PRKAR1B: variants seen among roughly 807,000 people sequenced by gnomAD.
PRKAR1B encodes cAMP-dependent protein kinase type I-beta regulatory subunit.
In PRKAR1B, 22 loss-of-function variants were observed where a neutral mutation model predicts 46.5. The observed-to-expected ratio is 0.47, with a 90% CI of 0.34 to 0.68. The LOEUF (loss-of-function observed/expected upper bound fraction) is 0.68, where lower values mean the gene tolerates loss of function less well. Ranked by LOEUF, PRKAR1B falls within the 30% of genes least tolerant of loss-of-function variation. The pLI is 0.01. For synonymous variants in PRKAR1B, 259 were observed against 217.7 expected (o/e 1.19, Z -1.67); for missense variants, 445 against 535.6 (o/e 0.83, Z 1.67).
In PRKAR1B at chr7:583,420, ACACACG is replaced by A. The variant is rs1562537036; in HGVS notation, c.769+1082_769+1087del. Among the ~76,000 whole-genome samples the A allele has an allele frequency of 9.9e-4, 56 of 56,844 alleles. 1 individual carries two copies. The East Asian group carries it at 0.016, about 16-fold the overall frequency. The allele number at this position is 56,844 out of a possible 152,430, so 37.3% of individuals were successfully genotyped here. A position where few individuals can be genotyped will look rare whatever the true frequency, so the allele number is the denominator to read the frequency against. ...CCCCCACACGTGTGCACACCCACGC[ACACACG>A]CACACACCCACAGTGCACACTCACA... On this transcript the variant is annotated intron_variant, in intron 8 of 10. Transcript: ENST00000537384.
rs1161152404 is a variant in PRKAR1B, at chr7:657,262, CGGACGGATGGAT to C, written c.440+19955_440+19966del. ...ATAAATGAATGGATGGATGAATGGA[CGGACGGATGGAT>C]GGATGGATGGATGGATGGATGGATG... On this transcript the variant is annotated intron_variant, in intron 4 of 10. Coordinates refer to ENST00000537384, the MANE Select transcript of PRKAR1B (RefSeq NM_001164760.2). Among the ~76,000 whole-genome samples, 117 of 102,714 alleles carry C rather than the reference CGGACGGATGGAT, an allele frequency of 1.1e-3. 2 individuals are homozygous for C. The highest frequency in any genetic ancestry group is 2.4e-3 in the African/African-American group (56 of 23,694). The allele number at this position is 102,714 out of a possible 152,430, so 67.4% of individuals were successfully genotyped here.
In PRKAR1B at chr7:685,279, CGT is replaced by C. The variant is rs1491307705; in HGVS notation, c.178-4555_178-4554del. 1.0e-2 allele frequency among the ~76,000 whole-genome samples: 195 copies of C among 19,532 alleles called. 18 individuals are homozygous for C. Among genetic ancestry groups the C allele is most frequent in the African/African-American group, 0.031 (175 of 5,704 alleles). The allele number at this position is 19,532 out of a possible 152,430, so 12.8% of individuals were successfully genotyped here. A position where few individuals can be genotyped will look rare whatever the true frequency, so the allele number is the denominator to read the frequency against. On this transcript the variant is annotated intron_variant, in intron 2 of 10. Coordinates refer to ENST00000537384, the MANE Select transcript of PRKAR1B (RefSeq NM_001164760.2). Reference sequence around the variant, plus strand: ...ATATATACATATATACGTATATATACGTATATATATGTATACATATATATATA... The same window carrying C: ...ATATATACATATATACGTATATATACATATATATGTATACATATATATATA...
intron 9 of PRKAR1B, among the ~76,000 whole-genome samples, chr7:569,257 A>G (rs1779358137): frequency 6.6e-6 from 1 of 152,168 alleles, no homozygotes; most frequent in Non-Finnish European, 1.5e-5. Context: ...GAGCTGACCA[A>G]GGCCTCAGCC....
chr7:614,313 G>A (rs537990721), intron 4 of PRKAR1B, among the ~76,000 whole-genome samples: 1 of 152,316 alleles, frequency 6.6e-6, no homozygotes, highest in South Asian at 2.1e-4. Context: ...GGTGGAACAC[G>A]GCTAAGACCC....
At chr7:657,160 A>G (rs1191362299) in intron 4 of PRKAR1B, among the ~76,000 whole-genome samples, 1 of 151,580 alleles carries the variant, frequency 6.6e-6, no homozygotes, top group African/African-American at 2.4e-5. Context: ...TGAGTGAACA[A>G]ATGAATGGAT....
In PRKAR1B at chr7:667,710, C is replaced by T. The variant is rs190940733; in HGVS notation, c.440+9519G>A. On this transcript the variant is annotated intron_variant, in intron 4 of 10. Transcript: ENST00000537384. This position sits in a 1 kb window ranked among gnomAD's most constrained non-coding sequence, Gnocchi z 4.3. ...GCACAGGCTTAGGTGCCCAAGAACT[C>T]GAGCTCAAACCCTAGCTCTGCTCCT... Among the ~76,000 whole-genome samples, 43 of 152,252 alleles carry T rather than the reference C, an allele frequency of 2.8e-4. No individual in the cohort carries two copies. Among genetic ancestry groups the T allele is most frequent in the East Asian group, 2.7e-3 (14 of 5,176 alleles).
At position 563,009 on chromosome 7, in the gene PRKAR1B, G is replaced by A. The variant is rs539745567; in HGVS notation, c.892-11539C>T. Among the ~76,000 whole-genome samples the A allele has an allele frequency of 3.3e-5, 5 of 152,286 alleles. No individual in the cohort carries two copies. The East Asian group carries it at 5.8e-4, about 18-fold the overall frequency. On this transcript the variant is annotated intron_variant, in intron 9 of 10. Coordinates refer to ENST00000537384, the MANE Select transcript of PRKAR1B (RefSeq NM_001164760.2). ...GGGTGCTGGACACCAGAAACCTAAC[G>A]GGCGCTGATGAAATCTCCACTGTGA...
At chr7:712,253 C>A (rs991655203) in intron 1 of PRKAR1B, among the ~76,000 whole-genome samples, 1 of 148,842 alleles carries the variant, frequency 6.7e-6, no homozygotes, top group Non-Finnish European at 1.5e-5. Context: ...GCCTCAGCGC[C>A]GGCGAGGACC....
chr7:559,404 G>A (rs1778647488), intron 9 of PRKAR1B, among the ~76,000 whole-genome samples: 1 of 152,178 alleles, frequency 6.6e-6, no homozygotes, highest in Non-Finnish European at 1.5e-5. Flanking sequence ...GGCCAGGACG[G>A]GGGCTCAGGG....
intron 2 of PRKAR1B, among the ~76,000 whole-genome samples, chr7:698,193 C>A (rs922462982): frequency 6.6e-6 from 1 of 151,758 alleles, no homozygotes; most frequent in Non-Finnish European, 1.5e-5. Context: ...TCACCTGATG[C>A]CAGGAGTTCA....
At chr7:682,005 C>G (rs1225479863) in intron 2 of PRKAR1B, among the ~76,000 whole-genome samples, 3 of 152,052 alleles carry the variant, frequency 2.0e-5, no homozygotes. Context: ...CACTGCAATT[C>G]TGCCTCTTTG....
Position 666,190 on chromosome 7 carries a change from C to G in PRKAR1B, c.440+11039G>C, listed in dbSNP as rs1178572625. On this transcript the variant is annotated intron_variant, in intron 4 of 10. Coordinates refer to ENST00000537384, the MANE Select transcript of PRKAR1B (RefSeq NM_001164760.2). The surrounding 1 kb of genome is among the most constrained non-coding windows in gnomAD (Gnocchi z 4.9). ...GCCGGGAAGGGACCGGGATAGAACC[C>G]AAGGGCCTCCACCTCACTCCCCAAG... 6.6e-6 allele frequency among the ~76,000 whole-genome samples: 1 copy of G among 152,148 alleles called. No homozygotes were observed. The highest frequency in any genetic ancestry group is 1.5e-5 in the Non-Finnish European group (1 of 68,024).
At chr7:655,294 A>G (rs1419896755) in intron 4 of PRKAR1B, among the ~76,000 whole-genome samples, 2 of 152,182 alleles carry the variant, frequency 1.3e-5, no homozygotes, top group African/African-American at 4.8e-5. Context: ...TCACCTGTCA[A>G]TGGCCTCTTC....
At chr7:701,143 G>A (rs529097107) in intron 2 of PRKAR1B, among the ~76,000 whole-genome samples, 2 of 151,120 alleles carry the variant, frequency 1.3e-5, no homozygotes, top group South Asian at 2.1e-4. Context: ...AGCCGAGATC[G>A]CACCACTGCA....
chr7:588,639 ATGG>A (rs1314907809), intron 7 of PRKAR1B, among the ~76,000 whole-genome samples: 2 of 133,566 alleles, frequency 1.5e-5, no homozygotes, highest in Non-Finnish European at 3.2e-5. Context: ...GGTGATGGTG[ATGG>A]TGGTGATGGT....
intron 2 of PRKAR1B, among the ~76,000 whole-genome samples, chr7:686,157 T>G (rs1305414427): frequency 6.6e-6 from 1 of 151,856 alleles, no homozygotes; most frequent in East Asian, 1.9e-4. Flanking sequence ...AAAAATTAGC[T>G]GGGCGTGGTG....
At chr7:581,617 C>T (rs1230346015) in intron 8 of PRKAR1B, among the ~76,000 whole-genome samples, 1 of 152,174 alleles carries the variant, frequency 6.6e-6, no homozygotes, top group Admixed American at 6.6e-5. Flanking sequence ...CATTTGAAAC[C>T]TGTAGTATTC....
At chr7:696,472 A>G (rs1334841076) in intron 2 of PRKAR1B, among the ~76,000 whole-genome samples, 1 of 151,198 alleles carries the variant, frequency 6.6e-6, no homozygotes, top group African/African-American at 2.4e-5. Context: ...GGGTTTCACC[A>G]TGTTGGCAAG....
chr7:652,419 GA>G (rs148766587), intron 4 of PRKAR1B, among the ~76,000 whole-genome samples: 4,717 of 142,098 alleles, frequency 0.033, 112 homozygotes, highest in African/African-American at 0.054. Context: ...GGAACCTGGG[GA>G]AACCCCTCTC....
Sources: allele counts gnomAD v4.1 joint callset (sites outside exome capture counted in the v4.1 genomes callset), GRCh38; gene constraint gnomAD v4.1.1; non-coding constraint Gnocchi (gnomAD v3.1); transcripts MANE v1.5; gene names NCBI Gene and HGNC (gene_info 2026-07-23, HGNC 2026-07-21).